CAPN6: variants seen among roughly 807,000 people sequenced by gnomAD.
CAPN6 encodes the protein calpain-6.
CAPN6 carries 16 observed loss-of-function variants against 46.0 expected under a neutral mutation model. That is an observed-to-expected ratio of 0.35 (90% CI 0.24 to 0.53). CAPN6 has a LOEUF of 0.53. Among genes scored for constraint, CAPN6 ranks in the 20% least tolerant of loss-of-function variants. The pLI is 0.94. For synonymous variants in CAPN6, 206 were observed against 172.8 expected (o/e 1.19, Z -1.51); for missense variants, 461 against 498.0 (o/e 0.93, Z 0.71).
intron 2 of CAPN6, among the ~76,000 whole-genome samples, chrX:111,258,813 T>C (rs1011010583): frequency 8.9e-6 from 1 of 112,091 alleles, no homozygotes; most frequent in African/African-American, 3.2e-5. Flanking sequence ...GATCCCGAAC[T>C]GCTTTTTTGG....
chrX:111,248,240 C>G (rs2094976148), intron 10 of CAPN6, among the ~76,000 whole-genome samples: 1 of 111,896 alleles, frequency 8.9e-6, no homozygotes, highest in Non-Finnish European at 1.9e-5. Context: ...GCACACAGAA[C>G]ATAATAGAAG....
chrX:111,256,966 T>C (rs1024752722), intron 2 of CAPN6, among the ~76,000 whole-genome samples: 3 of 109,590 alleles, frequency 2.7e-5, no homozygotes, highest in African/African-American at 9.9e-5. Context: ...AAGTTAACAG[T>C]CATAGAATGT....
At position 111,254,240 on chromosome X, in the gene CAPN6, A is replaced by G. The variant is rs771039298; in HGVS notation, c.297+32T>C. 24 of 1,137,427 alleles carry G rather than the reference A, an allele frequency of 2.1e-5. No homozygotes were observed. In the South Asian group the frequency reaches 4.9e-4, roughly 23 times the overall value. The allele number at this position is 1,137,427 out of a possible 1,213,427, so 93.7% of individuals were successfully genotyped here. On this transcript the variant is annotated intron_variant, in intron 3 of 12. Transcript: ENST00000324068. ...TTATTAAAGAAGACAAGAAAGTGGA[A>G]ACTGAATGAGGTCCCACAGGAGGGA...
chrX:111,260,268 C>CGG (rs1410378411), intron 2 of CAPN6, among the ~76,000 whole-genome samples: 3 of 46,279 alleles, frequency 6.5e-5, no homozygotes, highest in Non-Finnish European at 1.2e-4. Flanking sequence ...AATGGGGCGG[C>CGG]GGGGGGCCGG....
intron 8 of CAPN6, 89 bp from the exon 9 acceptor site, chrX:111,249,146 G>A (rs766120221): frequency 2.0e-6 from 2 of 999,610 alleles, no homozygotes; most frequent in South Asian, 2.2e-5. Context: ...CTTGTCATTG[G>A]GAAGCAGAGC....
rs774106421 is a variant in CAPN6, at chrX:111,247,453, G to A, written c.1658C>T (p.Pro553Leu). The A allele has an allele frequency of 8.3e-7, 1 of 1,207,962 alleles. No homozygotes were observed. Among genetic ancestry groups the A allele is most frequent in the East Asian group, 3.0e-5 (1 of 33,780 alleles). Residue 553 changes from proline to leucine, a missense_variant, in exon 12 of 13, where the codon CCT (proline) becomes CTT (leucine). Transcript: ENST00000324068. ...IKCGKEEVRSPVQKNTVHAIF... is the reference protein window; with the variant it reads ...IKCGKEEVRSLVQKNTVHAIF... ...GGCATGAACTGTATTCTTCTGGACA[G>A]GAGAACGGACTTCCTCCTTTCCACA...
At chrX:111,253,294 C>A in intron 3 of CAPN6, 78 bp from the exon 4 acceptor site, 1 of 802,307 alleles carries the variant, frequency 1.2e-6, no homozygotes, top group East Asian at 3.1e-5. Flanking sequence ...TTACTCCTGG[C>A]AAATCTACAG....
At chrX:111,248,835 T>C in intron 9 of CAPN6, 64 bp from the exon 10 acceptor site, 2 of 1,184,017 alleles carry the variant, frequency 1.7e-6, no homozygotes, top group Non-Finnish European at 1.1e-6. Flanking sequence ...ATGCTCTGTC[T>C]TTTTTATCCC....
intron 2 of CAPN6, among the ~76,000 whole-genome samples, chrX:111,262,776 G>A (rs1056906521): frequency 5.4e-5 from 6 of 111,943 alleles, no homozygotes; most frequent in African/African-American, 1.9e-4. Context: ...ACTAGTGAAA[G>A]GGTTCTGAAA....
Position 111,246,671 on chromosome X carries a change from A to G in CAPN6, c.1832T>C (p.Leu611Pro). 1.7e-6 allele frequency: 2 copies of G among 1,210,609 alleles called. No homozygotes were observed. The highest frequency in any genetic ancestry group is 2.2e-6 in the Non-Finnish European group (2 of 894,653). ...TGGACCACCCTTCTTACGCAGGTAC[A>G]GAGACTTCAGATCACGGCAGTCGCT... ...DPSDCRDLKS[L>P]YLRKKGGPTA... The change falls in exon 13 of 13, where the codon CTG becomes CCG. Residue 611 changes from leucine to proline, a missense_variant. Leu to Pro is a moderately conservative substitution (Grantham distance 98). Coordinates refer to ENST00000324068, the MANE Select transcript of CAPN6 (RefSeq NM_014289.4).
At chrX:111,257,417 C>T (rs1226484401) in intron 2 of CAPN6, among the ~76,000 whole-genome samples, 1 of 112,191 alleles carries the variant, frequency 8.9e-6, no homozygotes, top group Non-Finnish European at 1.9e-5. Context: ...CAATCTCTTA[C>T]TATATGTAAG....
At chrX:111,263,325 A>G (rs1400619994) in intron 2 of CAPN6, among the ~76,000 whole-genome samples, 1 of 111,899 alleles carries the variant, frequency 8.9e-6, no homozygotes, top group East Asian at 2.8e-4. Flanking sequence ...GATACACAGA[A>G]CACCTTGAAT....
At chrX:111,268,033 G>A (rs2094993221) in intron 1 of CAPN6, among the ~76,000 whole-genome samples, 1 of 111,707 alleles carries the variant, frequency 9.0e-6, no homozygotes, top group Non-Finnish European at 1.9e-5. Flanking sequence ...CACAGGCAGA[G>A]TCATAGCTTA....
chrX:111,246,544 C>A lies in CAPN6; in HGVS notation c.*33G>T, dbSNP rs1351121394. 2 of 1,146,695 alleles carry A rather than the reference C, an allele frequency of 1.7e-6. No homozygotes were observed. Among genetic ancestry groups the A allele is most frequent in the African/African-American group, 3.6e-5 (2 of 55,893 alleles). The allele number at this position is 1,146,695 out of a possible 1,213,427, so 94.5% of individuals were successfully genotyped here. A position where few individuals can be genotyped will look rare whatever the true frequency, so the allele number is the denominator to read the frequency against. The stretch of plus-strand genomic sequence containing the variant: ...CACCTGACGGAAAATAAAAGGGTGG[C>A]ACGCTTTGTCAGGATTCTCTGGGAT... On this transcript the variant is annotated 3_prime_UTR_variant, in exon 13 of 13. Coordinates refer to ENST00000324068, the MANE Select transcript of CAPN6 (RefSeq NM_014289.4).
chrX:111,254,257 C>T lies in CAPN6; in HGVS notation c.297+15G>A, dbSNP rs1354766763. ...AAAGTGGAAACTGAATGAGGTCCCA[C>T]AGGAGGGATAATACCTTTGTCCAAT... On this transcript the variant is annotated intron_variant, in intron 3 of 12. Coordinates refer to ENST00000324068, the MANE Select transcript of CAPN6 (RefSeq NM_014289.4). The T allele has an allele frequency of 1.7e-6, 2 of 1,181,832 alleles. No individual in the cohort carries two copies. The highest frequency in any genetic ancestry group is 2.3e-5 in the Admixed American group (1 of 44,352).
At position 111,245,713 on chromosome X, in the gene CAPN6, C is replaced by A. The variant is rs1165456531; in HGVS notation, c.*864G>T. On this transcript the variant is annotated 3_prime_UTR_variant, in exon 13 of 13. Coordinates refer to ENST00000324068, the MANE Select transcript of CAPN6 (RefSeq NM_014289.4). ...TTAGGTGTGTATGGTACTTACTTAT[C>A]TTTCCTCTTGCCCACTGACTGCCTG... 1 of 113,088 alleles carries A rather than the reference C, an allele frequency of 8.8e-6. No homozygotes were observed. The highest frequency in any genetic ancestry group is 1.9e-5 in the Non-Finnish European group (1 of 53,380). The allele number at this position is 113,088 out of a possible 1,213,427, so 9.3% of individuals were successfully genotyped here.
intron 2 of CAPN6, among the ~76,000 whole-genome samples, chrX:111,261,763 T>G (rs2094988090): frequency 8.9e-6 from 1 of 111,859 alleles, no homozygotes; most frequent in South Asian, 3.8e-4. Context: ...GGCTTCATGT[T>G]GGCTTGCAAT....
intron 1 of CAPN6, among the ~76,000 whole-genome samples, chrX:111,267,512 A>AT (rs1175338116): frequency 1.8e-5 from 2 of 111,127 alleles, no homozygotes; most frequent in African/African-American, 6.6e-5. Flanking sequence ...AGAGAGAGGT[A>AT]TTTTTTTTCT....
At chrX:111,266,407 TG>T (rs756584220) in intron 1 of CAPN6, among the ~76,000 whole-genome samples, 1 of 110,908 alleles carries the variant, frequency 9.0e-6, no homozygotes, top group Non-Finnish European at 1.9e-5. Context: ...AGATGGTTGG[TG>T]TAAGAGGAAT....
Sources: allele counts gnomAD v4.1 joint callset (sites outside exome capture counted in the v4.1 genomes callset), GRCh38; gene constraint gnomAD v4.1.1; transcripts MANE v1.5; gene names NCBI Gene and HGNC (gene_info 2026-07-23, HGNC 2026-07-21).